TBPL1: variants seen among roughly 807,000 people sequenced by gnomAD.
TBPL1 encodes the protein TATA-box binding protein like 1.
Under a neutral mutation model 22.1 loss-of-function variants are expected in TBPL1, and 4 were observed. That is an observed-to-expected ratio of 0.18 (90% CI 0.09 to 0.41). The LOEUF is 0.41. TBPL1 is among the 10% of genes least tolerant of loss of function. The probability of loss-of-function intolerance (pLI) is 1.00; values close to 1 mark genes in which losing one functional copy is unlikely to be tolerated. For missense variants in TBPL1, 115 were observed against 222.3 expected, an observed-to-expected ratio of 0.52 and a Z score of 3.07; for synonymous variants, 64 against 71.0, an observed-to-expected ratio of 0.90 and a Z score of 0.50.
chr6:133,970,276 G>T (rs796281455), intron 1 of TBPL1, among the ~76,000 whole-genome samples: 3 of 151,956 alleles, frequency 2.0e-5, no homozygotes, highest in Non-Finnish European at 4.4e-5. Context: ...TCACACCATC[G>T]TACTTTGCTT....
In TBPL1 at chr6:133,986,888, C is replaced by T. The variant is rs1024679867; in HGVS notation, c.482-73C>T. The T allele has an allele frequency of 2.9e-6, 3 of 1,042,950 alleles. No individual in the cohort carries two copies. The African/African-American group carries it at 4.9e-5, about 17-fold the overall frequency. 64.6% of individuals were successfully genotyped at this position (1,042,950 alleles called of 1,614,324 possible). On this transcript the variant is annotated intron_variant, in intron 6 of 6. Coordinates refer to ENST00000237264, the MANE Select transcript of TBPL1 (RefSeq NM_004865.4). ...CTATACCACTTGAATATTTTTAATTCTGGAAAATCAGTTTTTCCTAGTGCT... is the reference window on the plus strand; with the variant it reads ...CTATACCACTTGAATATTTTTAATTTTGGAAAATCAGTTTTTCCTAGTGCT...
intron 1 of TBPL1, among the ~76,000 whole-genome samples, chr6:133,959,253 T>C (rs929015766): frequency 1.3e-5 from 2 of 152,156 alleles, no homozygotes; most frequent in African/African-American, 2.4e-5. Context: ...TTGGCCAGGC[T>C]AGCCTCGAAC....
intron 1 of TBPL1, among the ~76,000 whole-genome samples, chr6:133,965,757 G>A (rs1776107444): frequency 6.6e-6 from 1 of 152,002 alleles, no homozygotes; most frequent in African/African-American, 2.4e-5. Flanking sequence ...CAAAGCTTGA[G>A]GACTACAGTG....
At chr6:133,982,319 G>C (rs1776429109) in intron 2 of TBPL1, among the ~76,000 whole-genome samples, 1 of 152,198 alleles carries the variant, frequency 6.6e-6, no homozygotes, top group South Asian at 2.1e-4. Context: ...GGAGTACATT[G>C]ATTTCAAGTA....
At chr6:133,975,626 C>T (rs1410632473) in intron 1 of TBPL1, among the ~76,000 whole-genome samples, 1 of 152,088 alleles carries the variant, frequency 6.6e-6, no homozygotes, top group Non-Finnish European at 1.5e-5. Context: ...GCTAATTCTA[C>T]CCAATAACTA....
intron 1 of TBPL1, among the ~76,000 whole-genome samples, chr6:133,960,418 C>CTTTTTTT (rs765884620): frequency 7.6e-6 from 1 of 131,594 alleles, no homozygotes; most frequent in Non-Finnish European, 1.6e-5. Context: ...GCTGACCAGC[C>CTTTTTTT]TTTTTTTTTT....
In TBPL1 at chr6:133,980,076, T is replaced by G; in HGVS notation, c.-44-6T>G. The G allele has an allele frequency of 2.1e-6, 3 of 1,403,858 alleles. No homozygotes were observed. The highest frequency in any genetic ancestry group is 2.8e-6 in the Non-Finnish European group (3 of 1,072,568). 87.0% of individuals were successfully genotyped at this position (1,403,858 alleles called of 1,614,324 possible). ...TTTAATGACTTTATTTTGTTTTATT[T>G]CTCAGGATGTGATCTTCGTGGTGGA... On this transcript the variant is annotated splice_polypyrimidine_tract_variant and splice_region_variant and intron_variant, in intron 1 of 6. Transcript: ENST00000237264.
intron 1 of TBPL1, among the ~76,000 whole-genome samples, chr6:133,973,927 A>C (rs982977743): frequency 2.0e-5 from 3 of 151,940 alleles, no homozygotes; most frequent in Admixed American, 6.6e-5. Context: ...TCAGAATGGG[A>C]ACAACTATTT....
chr6:133,966,612 G>A (rs960960667), intron 1 of TBPL1, among the ~76,000 whole-genome samples: 3 of 152,074 alleles, frequency 2.0e-5, no homozygotes, highest in Non-Finnish European at 4.4e-5. Context: ...GTCCAAAACC[G>A]AATTGTTAAC....
At chr6:133,969,129 G>T (rs192070924) in intron 1 of TBPL1, among the ~76,000 whole-genome samples, 3 of 152,030 alleles carry the variant, frequency 2.0e-5, no homozygotes, top group African/African-American at 7.2e-5. Context: ...GCATGAGAAT[G>T]TAAACCATTG....
chr6:133,986,813 T>C (rs1385211177), intron 6 of TBPL1, 148 bp from the exon 7 acceptor site: 1 of 516,624 alleles, frequency 1.9e-6, no homozygotes, highest in Non-Finnish European at 3.4e-6. Context: ...TATGGCTATG[T>C]GTATAATTAT....
At chr6:133,981,717 A>G (rs1021388463) in intron 2 of TBPL1, among the ~76,000 whole-genome samples, 5 of 152,262 alleles carry the variant, frequency 3.3e-5, no homozygotes, top group Non-Finnish European at 5.9e-5. Context: ...AAATGTAACA[A>G]AAATTTTAAG....
intron 1 of TBPL1, among the ~76,000 whole-genome samples, chr6:133,975,471 A>T (rs1776297038): frequency 6.6e-6 from 1 of 152,214 alleles, no homozygotes; most frequent in African/African-American, 2.4e-5. Context: ...ACAGTTCCAG[A>T]TAATCTTCAG....
At chr6:133,960,366 A>G (rs559084172) in intron 1 of TBPL1, among the ~76,000 whole-genome samples, 34 of 151,448 alleles carry the variant, frequency 2.2e-4, no homozygotes, top group South Asian at 1.9e-3. Flanking sequence ...CTATATTGCT[A>G]ATGGAAATCT....
At chr6:133,983,169 G>A (rs745798684) in intron 4 of TBPL1, among the ~76,000 whole-genome samples, 44 of 151,918 alleles carry the variant, frequency 2.9e-4, no homozygotes, top group Non-Finnish European at 5.3e-4. Context: ...CACCTCTGAC[G>A]TACACAAACA....
chr6:133,981,388 A>AT (rs1776410564), intron 2 of TBPL1, among the ~76,000 whole-genome samples: 1 of 152,220 alleles, frequency 6.6e-6, no homozygotes, highest in Non-Finnish European at 1.5e-5. Context: ...TTAGAAAAGT[A>AT]ATAAATATGT....
intron 1 of TBPL1, among the ~76,000 whole-genome samples, chr6:133,958,233 A>G (rs1353153135): frequency 6.6e-6 from 1 of 152,220 alleles, no homozygotes; most frequent in Non-Finnish European, 1.5e-5. Flanking sequence ...AATAAAAGGA[A>G]TAAACCCCAA....
intron 1 of TBPL1, among the ~76,000 whole-genome samples, chr6:133,969,146 T>C (rs991073227): frequency 1.3e-5 from 2 of 152,162 alleles, no homozygotes; most frequent in Non-Finnish European, 1.5e-5. Flanking sequence ...ATTGAACTTA[T>C]CTTTTCTTAA....
At position 133,982,972 on chromosome 6, in the gene TBPL1, C is replaced by T. The variant is rs184409196; in HGVS notation, c.282+92C>T. 27 of 1,157,958 alleles carry T rather than the reference C, an allele frequency of 2.3e-5. No individual in the cohort carries two copies. The East Asian group carries it at 5.2e-4, about 22-fold the overall frequency. The allele number at this position is 1,157,958 out of a possible 1,614,324, so 71.7% of individuals were successfully genotyped here. A position where few individuals can be genotyped will look rare whatever the true frequency, so the allele number is the denominator to read the frequency against. Reference sequence around the variant, plus strand: ...GTAATAGACTCAAGAAATCACTATGCGTACTATTCTTATGATTAAACTTTT... The same window carrying T: ...GTAATAGACTCAAGAAATCACTATGTGTACTATTCTTATGATTAAACTTTT... On this transcript the variant is annotated intron_variant, in intron 4 of 6. Coordinates refer to ENST00000237264, the MANE Select transcript of TBPL1 (RefSeq NM_004865.4).
Sources: allele counts gnomAD v4.1 joint callset (sites outside exome capture counted in the v4.1 genomes callset), GRCh38; gene constraint gnomAD v4.1.1; transcripts MANE v1.5; gene names NCBI Gene and HGNC (gene_info 2026-07-23, HGNC 2026-07-21).